Variants in FOXJ3 observed in about 807,000 individuals in gnomAD.
FOXJ3 encodes forkhead box J3.
FOXJ3 carries 22 observed loss-of-function variants against 76.1 expected under a neutral mutation model. The ratio of observed to expected loss-of-function variants is 0.29; its 90% CI spans 0.21 to 0.41. The LOEUF (loss-of-function observed/expected upper bound fraction) is 0.41. FOXJ3 is among the 10% of genes least tolerant of loss of function. The probability of loss-of-function intolerance (pLI) is 1.00; values close to 1 mark genes in which losing one functional copy is unlikely to be tolerated. For synonymous variants in FOXJ3, 269 were observed against 261.2 expected, an observed-to-expected ratio of 1.03 and a Z score of -0.29; for missense variants, 613 against 762.1, an observed-to-expected ratio of 0.80 and a Z score of 2.30.
chr1:42,214,186 C>G (rs751632505), intron 5 of FOXJ3, among the ~76,000 whole-genome samples: 1 of 152,036 alleles, frequency 6.6e-6, no homozygotes, highest in Non-Finnish European at 1.5e-5. Context: ...AAAAAAAAAG[C>G]TTTTAATTAT....
chr1:42,227,943 G>A lies in FOXJ3; in HGVS notation c.468C>T (p.Thr156=), dbSNP rs751169818. The change falls in exon 5 of 13, where the codon ACC becomes ACT. Residue 156 remains threonine, a synonymous_variant. Coordinates refer to ENST00000361346, the MANE Select transcript of FOXJ3 (RefSeq NM_014947.5). ...PGKGSYWAID[T]NPKEDVLPTR... is the part of the protein sequence containing the mutation. ...TAGGCAGCACATCTTCCTTCGGATT[G>A]GTGTCTATTGCCCAGTAGGACCCCT... 4.5e-6 allele frequency: 7 copies of A among 1,568,640 alleles called. No homozygotes were observed. The highest frequency in any genetic ancestry group is 6.1e-6 in the Non-Finnish European group (7 of 1,148,092).
At chr1:42,236,777 C>T (rs1648672092) in intron 4 of FOXJ3, among the ~76,000 whole-genome samples, 1 of 152,184 alleles carries the variant, frequency 6.6e-6, no homozygotes, top group Admixed American at 6.5e-5. Flanking sequence ...CTCTCGACAG[C>T]AGTGTATGAC....
chr1:42,275,150 C>A (rs1323015491), intron 3 of FOXJ3, among the ~76,000 whole-genome samples: 1 of 152,180 alleles, frequency 6.6e-6, no homozygotes, highest in Non-Finnish European at 1.5e-5. Context: ...TTCAATGAGG[C>A]ACAATCCCTT....
chr1:42,220,439 A>G (rs938750307), intron 5 of FOXJ3, among the ~76,000 whole-genome samples: 19 of 152,160 alleles, frequency 1.2e-4, no homozygotes, highest in African/African-American at 4.1e-4. Context: ...CCACCAATAG[A>G]AAAAAAGTAA....
At chr1:42,193,886 C>A (rs1304913809) in intron 8 of FOXJ3, among the ~76,000 whole-genome samples, 1 of 152,088 alleles carries the variant, frequency 6.6e-6, no homozygotes, top group Admixed American at 6.6e-5. Context: ...TTAGGCCTTG[C>A]AAAAGGGGTT....
intron 3 of FOXJ3, among the ~76,000 whole-genome samples, chr1:42,273,995 G>A (rs1652065361): frequency 2.6e-5 from 4 of 152,018 alleles, no homozygotes; most frequent in Middle Eastern, 3.4e-3. Flanking sequence ...CCCCATTTAC[G>A]TCACCTACCT....
rs571103724 is a variant in FOXJ3, at chr1:42,177,406, A to G, written c.*2304T>C. The stretch of plus-strand genomic sequence containing the variant: ...CTGCATTCCAATATCCAAATTGTTT[A>G]AAGTGCACATTGCTACCCAAGCAAT... On this transcript the variant is annotated 3_prime_UTR_variant, in exon 13 of 13. Transcript: ENST00000361346. 6.5e-6 allele frequency: 1 copy of G among 152,780 alleles called. No individual in the cohort carries two copies. The highest frequency in any genetic ancestry group is 2.4e-5 in the African/African-American group (1 of 41,596). The allele number at this position is 152,780 out of a possible 1,614,324, so 9.5% of individuals were successfully genotyped here.
intron 11 of FOXJ3, among the ~76,000 whole-genome samples, chr1:42,182,619 T>C (rs1646347601): frequency 6.6e-6 from 1 of 152,146 alleles, no homozygotes; most frequent in Non-Finnish European, 1.5e-5. Flanking sequence ...TGCCTCACCC[T>C]CCCAAGTAGC....
intron 12 of FOXJ3, among the ~76,000 whole-genome samples, chr1:42,181,531 G>T (rs1646318729): frequency 6.6e-6 from 1 of 152,142 alleles, no homozygotes; most frequent in Non-Finnish European, 1.5e-5. Flanking sequence ...TTCTTAGAGA[G>T]GCAAGACAAT....
At chr1:42,313,891 A>G (rs540206228) in intron 1 of FOXJ3, among the ~76,000 whole-genome samples, 6 of 152,234 alleles carry the variant, frequency 3.9e-5, no homozygotes, top group African/African-American at 9.6e-5. Flanking sequence ...CTGAAGGTAG[A>G]TAGATCTCAA....
intron 4 of FOXJ3, among the ~76,000 whole-genome samples, chr1:42,240,308 A>G (rs1010251842): frequency 6.6e-6 from 1 of 152,200 alleles, no homozygotes; most frequent in Non-Finnish European, 1.5e-5. Context: ...TATAGATTCA[A>G]TGTAAGTCCT....
chr1:42,246,361 G>C (rs1272498095), intron 4 of FOXJ3, among the ~76,000 whole-genome samples: 1 of 151,420 alleles, frequency 6.6e-6, no homozygotes, highest in African/African-American at 2.4e-5. Flanking sequence ...TTAAAAAGTG[G>C]GCAAAAAAAC....
intron 2 of FOXJ3, among the ~76,000 whole-genome samples, chr1:42,302,153 C>A (rs1570203228): frequency 1.3e-5 from 2 of 152,284 alleles, no homozygotes; most frequent in South Asian, 4.1e-4. Flanking sequence ...AGCAGGCTTA[C>A]TGCATCTTGT....
chr1:42,334,195 G>A (rs1039042164), intron 1 of FOXJ3: 6 of 854,508 alleles, frequency 7.0e-6, no homozygotes, highest in Admixed American at 1.2e-4. Context: ...AAAAGAATAA[G>A]AGCAGCTAAT....
intron 4 of FOXJ3, among the ~76,000 whole-genome samples, chr1:42,258,448 C>T (rs1650777071): frequency 6.6e-6 from 1 of 152,146 alleles, no homozygotes; most frequent in Non-Finnish European, 1.5e-5. Flanking sequence ...CTAGCTTGGA[C>T]AATAGGTTAA....
chr1:42,205,125 T>C (rs533010478), intron 6 of FOXJ3, among the ~76,000 whole-genome samples: 81 of 152,266 alleles, frequency 5.3e-4, no homozygotes, highest in African/African-American at 1.9e-3. Context: ...TGAACAAAAC[T>C]GGATTCATGA....
chr1:42,189,793 CA>C (rs1298260449), intron 9 of FOXJ3: 1 of 165,368 alleles, frequency 6.0e-6, no homozygotes, highest in Non-Finnish European at 1.3e-5. Context: ...AAATGCCACA[CA>C]AATCTGTATT....
At chr1:42,288,339 C>CAT (rs1176635137) in intron 2 of FOXJ3, among the ~76,000 whole-genome samples, 1 of 152,204 alleles carries the variant, frequency 6.6e-6, no homozygotes, top group Non-Finnish European at 1.5e-5. Context: ...CTTCAAGTAA[C>CAT]ATATGTCCAC....
At chr1:42,184,032 G>A (rs546362508) in intron 11 of FOXJ3, among the ~76,000 whole-genome samples, 2 of 152,222 alleles carry the variant, frequency 1.3e-5, no homozygotes, top group African/African-American at 4.8e-5. Context: ...GAGGAGAAAA[G>A]TTATACTAAA....
Sources: gnomAD v4.1 joint callset for allele counts (sites outside exome capture counted in the v4.1 genomes callset) on GRCh38, gnomAD v4.1.1 for gene constraint, MANE v1.5 for transcripts, NCBI Gene and HGNC (gene_info 2026-07-23, HGNC 2026-07-21) for gene names.